Variants in KAZN observed in about 807,000 individuals in gnomAD.
The protein encoded by KAZN is kazrin.
KAZN carries 40 observed loss-of-function variants against 87.4 expected under a neutral mutation model. That is an observed-to-expected ratio of 0.46 (90% CI 0.36 to 0.60). The LOEUF (loss-of-function observed/expected upper bound fraction) is 0.60. Ranked by LOEUF, KAZN falls within the 20% of genes least tolerant of loss-of-function variation. KAZN has a pLI of 0.00. For missense variants in KAZN, 898 were observed against 1,073.9 expected (o/e 0.84, Z 2.29); for synonymous variants, 466 against 458.3 (o/e 1.02, Z -0.22).
At chr1:14,122,731 G>T (rs1644778597) in intron 1 of KAZN, among the ~76,000 whole-genome samples, 1 of 152,168 alleles carries the variant, frequency 6.6e-6, no homozygotes, top group Non-Finnish European at 1.5e-5. Flanking sequence ...CATTGAAACA[G>T]ATTGTTCTTC....
chr1:13,995,053 T>C (rs1410438686), intron 1 of KAZN, among the ~76,000 whole-genome samples: 1 of 152,082 alleles, frequency 6.6e-6, no homozygotes, highest in Non-Finnish European at 1.5e-5. Context: ...ACATGCTGAC[T>C]CAGAGTAGGA....
chr1:13,983,164 C>T (rs1638825889), intron 1 of KAZN, among the ~76,000 whole-genome samples: 1 of 152,276 alleles, frequency 6.6e-6, no homozygotes, highest in Non-Finnish European at 1.5e-5. Context: ...CCTGCGCCTG[C>T]ACTCCTCAGC....
intron 13 of KAZN, among the ~76,000 whole-genome samples, chr1:15,108,833 G>A (rs1024172389): frequency 3.9e-5 from 6 of 152,122 alleles, no homozygotes; most frequent in Non-Finnish European, 8.8e-5. Flanking sequence ...CCCTTCTAAC[G>A]TACCATTTCC....
intron 1 of KAZN, among the ~76,000 whole-genome samples, chr1:14,955,755 A>G (rs1663012549): frequency 6.6e-6 from 1 of 151,748 alleles, no homozygotes; most frequent in Non-Finnish European, 1.5e-5. Context: ...GCTCCATCTC[A>G]CTCTCTGCTC....
Position 15,114,717 on chromosome 1 carries a change from G to GT in KAZN, c.*83dup. ...GATGGCCCCAGGTGTCGTTCTCACTGTACATAGCGGCCGCAGGCTGAGGAT... is the reference window on the plus strand; with the variant it reads ...GATGGCCCCAGGTGTCGTTCTCACTGTTACATAGCGGCCGCAGGCTGAGGAT... On this transcript the variant is annotated 3_prime_UTR_variant, in exon 15 of 15. Coordinates refer to ENST00000376030, the MANE Select transcript of KAZN (RefSeq NM_201628.3). 7.3e-7 allele frequency: 1 copy of GT among 1,373,828 alleles called. No individual in the cohort carries two copies. Among genetic ancestry groups the GT allele is most frequent in the Non-Finnish European group, 9.8e-7 (1 of 1,015,444 alleles). The allele number at this position is 1,373,828 out of a possible 1,614,324, so 85.1% of individuals were successfully genotyped here.
chr1:14,908,499 G>C (rs565353228), intron 1 of KAZN, among the ~76,000 whole-genome samples: 5 of 151,942 alleles, frequency 3.3e-5, no homozygotes, highest in African/African-American at 1.2e-4. Context: ...CTGAGATCAC[G>C]CCACTGCACT....
intron 2 of KAZN, among the ~76,000 whole-genome samples, chr1:14,431,546 C>T (rs775870311): frequency 6.6e-6 from 1 of 152,116 alleles, no homozygotes; most frequent in Non-Finnish European, 1.5e-5. Context: ...AGGGTGTTGA[C>T]ATTTGAGTCG....
intron 2 of KAZN, among the ~76,000 whole-genome samples, chr1:14,974,369 T>C (rs1665394847): frequency 2.0e-5 from 3 of 152,128 alleles, no homozygotes. Context: ...AAACAAACAA[T>C]ATAGCAAAAA....
chr1:13,914,033 G>A (rs1052189889), intron 1 of KAZN, among the ~76,000 whole-genome samples: 6 of 152,208 alleles, frequency 3.9e-5, no homozygotes, highest in African/African-American at 9.6e-5. Flanking sequence ...GAGTTTCAGC[G>A]CATTCTGGCC....
intron 8 of KAZN, among the ~76,000 whole-genome samples, chr1:15,087,213 T>C (rs1419686601): frequency 6.6e-6 from 1 of 152,220 alleles, no homozygotes; most frequent in Non-Finnish European, 1.5e-5. Context: ...TACCTTCTAT[T>C]AGCCACATTT....
chr1:14,125,308 G>T (rs1644840642), intron 1 of KAZN, among the ~76,000 whole-genome samples: 1 of 152,192 alleles, frequency 6.6e-6, no homozygotes, highest in Non-Finnish European at 1.5e-5. Flanking sequence ...TGGCAATGGG[G>T]CTTGGGGGTC....
In KAZN at chr1:15,021,253, C is replaced by T. The variant is rs954890762; in HGVS notation, c.419-13496C>T. Among the ~76,000 whole-genome samples, 1 of 152,202 alleles carries T rather than the reference C, an allele frequency of 6.6e-6. No homozygotes were observed. Among genetic ancestry groups the T allele is most frequent in the Non-Finnish European group, 1.5e-5 (1 of 68,046 alleles). ...CCCAGGCCATTATCTTGCCTGCATA[C>T]GACCTCACACACCCACACAAGCCTT... On this transcript the variant is annotated intron_variant, in intron 2 of 14. Transcript: ENST00000376030. The surrounding 1 kb of genome is among the most constrained non-coding windows in gnomAD (Gnocchi z 4.2).
At chr1:14,627,016 A>T (rs1028207814) in intron 1 of KAZN, among the ~76,000 whole-genome samples, 1 of 152,108 alleles carries the variant, frequency 6.6e-6, no homozygotes. Context: ...GTAAATATTT[A>T]TTGAGCACCT....
intron 1 of KAZN, among the ~76,000 whole-genome samples, chr1:14,039,299 G>A (rs1440084738): frequency 6.6e-6 from 1 of 152,116 alleles, no homozygotes; most frequent in Non-Finnish European, 1.5e-5. Context: ...CACTCTCTAC[G>A]TCTGCCTCCA....
chr1:14,722,401 C>A (rs1396605373), intron 1 of KAZN, among the ~76,000 whole-genome samples: 1 of 152,188 alleles, frequency 6.6e-6, no homozygotes, highest in Non-Finnish European at 1.5e-5. Flanking sequence ...AATATTCTAT[C>A]TAATTAACAT....
At chr1:14,942,198 C>T (rs887559769) in intron 1 of KAZN, among the ~76,000 whole-genome samples, 1 of 152,218 alleles carries the variant, frequency 6.6e-6, no homozygotes, top group Non-Finnish European at 1.5e-5. Flanking sequence ...CCTCCCACCC[C>T]TGCCAGCCCT....
chr1:14,136,454 C>G (rs762104218), intron 1 of KAZN, among the ~76,000 whole-genome samples: 3 of 152,120 alleles, frequency 2.0e-5, no homozygotes, highest in Non-Finnish European at 4.4e-5. Flanking sequence ...TATTACTAAA[C>G]AATTGCAAAG....
In KAZN at chr1:14,526,859, C is replaced by T. The variant is rs534924368; in HGVS notation, c.250-72124C>T. ...AAAGAGATCACCTGTCACCCAGAAGCGATTCTCTCCTGGTGTAATTTGGGC... is the reference window on the plus strand; with the variant it reads ...AAAGAGATCACCTGTCACCCAGAAGTGATTCTCTCCTGGTGTAATTTGGGC... On this transcript the variant is annotated intron_variant, in intron 2 of 16. Coordinates refer to the KAZN transcript ENST00000636203. Among the ~76,000 whole-genome samples, 7 of 152,254 alleles carry T rather than the reference C, an allele frequency of 4.6e-5. No homozygotes were observed. In the East Asian group the frequency reaches 1.4e-3, roughly 29 times the overall value.
chr1:14,335,114 C>T (rs189409067), intron 2 of KAZN, among the ~76,000 whole-genome samples: 89 of 151,430 alleles, frequency 5.9e-4, no homozygotes, highest in African/African-American at 1.9e-3. Flanking sequence ...GTGCCCCCCC[C>T]CCACCACCCC....
Sources: allele counts gnomAD v4.1 joint callset (sites outside exome capture counted in the v4.1 genomes callset), GRCh38; gene constraint gnomAD v4.1.1; non-coding constraint Gnocchi (gnomAD v3.1); transcripts MANE v1.5; gene names NCBI Gene and HGNC (gene_info 2026-07-23, HGNC 2026-07-21).